YIPF2: variants seen among roughly 807,000 people sequenced by gnomAD.
YIPF2 encodes protein YIPF2.
A neutral mutation model predicts 38.8 loss-of-function variants in YIPF2; 30 were observed. The ratio of observed to expected loss-of-function variants is 0.77; its 90% CI spans 0.58 to 1.05. The LOEUF is 1.05. YIPF2 is among the 50% of genes least tolerant of loss of function. The probability of loss-of-function intolerance (pLI) is 0.00; values close to 1 mark genes in which losing one functional copy is unlikely to be tolerated. For missense variants in YIPF2, 401 were observed against 409.7 expected (o/e 0.98, Z 0.18); for synonymous variants, 194 against 183.8 (o/e 1.06, Z -0.45).
chr19:10,924,210 A>G lies in YIPF2; in HGVS notation c.368-18T>C, dbSNP rs1375325153. 4 of 1,603,572 alleles carry G rather than the reference A, an allele frequency of 2.5e-6. No homozygotes were observed. Among genetic ancestry groups the G allele is most frequent in the East Asian group, 4.5e-5 (2 of 44,866 alleles). On this transcript the variant is annotated intron_variant, in intron 5 of 9. Transcript: ENST00000586748. ...GAAGGGGCCTGGGGGTAGGGGGCACAGTCAGGGTCCCGGGCCCTGCACTCC... is the reference window on the plus strand; with the variant it reads ...GAAGGGGCCTGGGGGTAGGGGGCACGGTCAGGGTCCCGGGCCCTGCACTCC...
At chr19:10,925,653 C>A in intron 5 of YIPF2, 33 bp downstream of exon 5, 1 of 1,612,478 alleles carries the variant, frequency 6.2e-7, no homozygotes, top group Admixed American at 1.7e-5. Context: ...GTTGAGTGAT[C>A]CATCAAGGAA....
chr19:10,925,900 C>CCA, intron 4 of YIPF2, 127 bp from the exon 5 acceptor site: 2 of 797,614 alleles, frequency 2.5e-6, no homozygotes, highest in East Asian at 2.8e-5. Context: ...TCAGCCTTTC[C>CCA]CTCTCTTTTT....
rs780658086 is a variant in YIPF2, at chr19:10,924,131, C to T, written c.429G>A (p.Leu143=). 1 of 1,613,764 alleles carries T rather than the reference C, an allele frequency of 6.2e-7. No individual in the cohort carries two copies. The highest frequency in any genetic ancestry group is 1.1e-5 in the South Asian group (1 of 91,086). The change falls in exon 6 of 10, where the codon CTG becomes CTA. Residue 143 remains leucine, a synonymous_variant. Coordinates refer to ENST00000586748, the MANE Select transcript of YIPF2 (RefSeq NM_001321439.2). ...AGGGGTCCCTCCTCTGGGCCAGCACCAGCGTCAGGTTGCCAGTGACGGCCA... is the reference window on the plus strand; with the variant it reads ...AGGGGTCCCTCCTCTGGGCCAGCACTAGCGTCAGGTTGCCAGTGACGGCCA... The part of the protein sequence containing the change: ...FVLAVTGNLT[L]VLAQRRDPSI...
chr19:10,925,393 C>G (rs899116728), intron 5 of YIPF2, among the ~76,000 whole-genome samples: 2 of 152,254 alleles, frequency 1.3e-5, no homozygotes, highest in South Asian at 2.1e-4. Flanking sequence ...CTGGAAGCCT[C>G]TTTTCCTAGG....
chr19:10,923,753 C>T, intron 7 of YIPF2, 76 bp from the exon 8 acceptor site: 1 of 1,581,052 alleles, frequency 6.3e-7, no homozygotes, highest in South Asian at 1.2e-5. Flanking sequence ...CCACCCTCAC[C>T]ACCATGGGAA....
chr19:10,928,053 G>A, intron 2 of YIPF2, 94 bp from the exon 3 acceptor site: 4 of 1,499,854 alleles, frequency 2.7e-6, no homozygotes, highest in Non-Finnish European at 2.7e-6. Flanking sequence ...GGGGGCGGAG[G>A]CTCTGCTGAG....
rs760629274 is a variant in YIPF2 at position 10,927,928 on chromosome 19, G to A, written c.63C>T (p.Asp21=). The change falls in exon 3 of 10, where the codon GAC becomes GAT. Residue 21 remains aspartate, a synonymous_variant. Transcript: ENST00000586748. ...TGCTGGTGGTGGCTGCATCTGGGGT[G>A]TCAGCCAGAAGATTAGTGGCCTCCT... ...EFEEATNLLA[D]TPDAATTSRS... 9 of 1,609,934 alleles carry A rather than the reference G, an allele frequency of 5.6e-6. No homozygotes were observed. The highest frequency in any genetic ancestry group is 1.7e-5 in the Admixed American group (1 of 59,934).
chr19:10,927,028 C>T (rs942839733), intron 4 of YIPF2, among the ~76,000 whole-genome samples: 2 of 151,916 alleles, frequency 1.3e-5, no homozygotes, highest in Non-Finnish European at 2.9e-5. Context: ...CACCACAAAG[C>T]CCGGCTAATT....
intron 5 of YIPF2, 98 bp downstream of exon 5, chr19:10,925,588 G>T: frequency 7.1e-7 from 1 of 1,406,714 alleles, no homozygotes; most frequent in Non-Finnish European, 9.8e-7. Flanking sequence ...CACACTGTCT[G>T]AGTGACTGAT....
At chr19:10,924,771 C>A (rs2083395428) in intron 5 of YIPF2, among the ~76,000 whole-genome samples, 1 of 150,542 alleles carries the variant, frequency 6.6e-6, no homozygotes, top group African/African-American at 2.4e-5. Flanking sequence ...CCCCCCACCC[C>A]CACCTATCTA....
intron 5 of YIPF2, among the ~76,000 whole-genome samples, chr19:10,925,366 T>C (rs943247999): frequency 2.0e-5 from 3 of 152,104 alleles, no homozygotes; most frequent in Admixed American, 1.3e-4. Flanking sequence ...GTTCCTGCCA[T>C]GAAGCTTACG....
chr19:10,923,447 T>C, intron 8 of YIPF2, 40 bp from the exon 9 acceptor site: 1 of 1,613,068 alleles, frequency 6.2e-7, no homozygotes, highest in African/African-American at 1.3e-5. Flanking sequence ...GGCCAGCCCA[T>C]GCCCCCCTAG....
At chr19:10,923,247 T>TA (rs1731077393) in intron 9 of YIPF2, 25 bp downstream of exon 9, 2 of 1,552,204 alleles carry the variant, frequency 1.3e-6, no homozygotes, top group Admixed American at 4.2e-5. Context: ...GCAGCCCCCT[T>TA]AGCCCAGCTG....
rs776036066 is a variant in YIPF2, at chr19:10,925,791, G to A, written c.280-18C>T. 6.2e-7 allele frequency: 1 copy of A among 1,612,230 alleles called. No homozygotes were observed. The highest frequency in any genetic ancestry group is 1.3e-5 in the African/African-American group (1 of 74,908). On this transcript the variant is annotated intron_variant, in intron 4 of 9. Coordinates refer to ENST00000586748, the MANE Select transcript of YIPF2 (RefSeq NM_001321439.2). Reference sequence around the variant, plus strand: ...TCCAGGACCTGGGGGCAAGGCCAAGGTCAAGGATGGAAGTCTGCCAGGAGC... The same window carrying A: ...TCCAGGACCTGGGGGCAAGGCCAAGATCAAGGATGGAAGTCTGCCAGGAGC...
rs762894389 is a variant in YIPF2 at position 10,924,002 on chromosome 19, G to A, written c.485-3C>T. On this transcript the variant is annotated splice_polypyrimidine_tract_variant and splice_region_variant and intron_variant, in intron 6 of 9. Transcript: ENST00000586748. ...GATGCTGATGCCTGCCACGGTCACT[G>A]GGGGGGGCAAGGTGAGCAGTCACCC... 3.7e-6 allele frequency: 6 copies of A among 1,605,528 alleles called. No homozygotes were observed. The highest frequency in any genetic ancestry group is 1.3e-5 in the African/African-American group (1 of 74,706).
rs762894389 is a variant in YIPF2, at chr19:10,924,002, G to T, written c.485-3C>A. 1.2e-6 allele frequency: 2 copies of T among 1,605,642 alleles called. No individual in the cohort carries two copies. Among genetic ancestry groups the T allele is most frequent in the Non-Finnish European group, 8.5e-7 (1 of 1,175,794 alleles). ...GATGCTGATGCCTGCCACGGTCACT[G>T]GGGGGGGCAAGGTGAGCAGTCACCC... On this transcript the variant is annotated splice_polypyrimidine_tract_variant and splice_region_variant and intron_variant, in intron 6 of 9. Transcript: ENST00000586748.
chr19:10,923,306 G>T lies in YIPF2; in HGVS notation c.936C>A (p.Ser312=). ...NIALSPTLPQ[S]LAPS ...CCGGGCCTTCCTAGGAGGGGGCCAGGGACTGCGGCAAGGTAGGGGACAGCG... is the reference window on the plus strand; with the variant it reads ...CCGGGCCTTCCTAGGAGGGGGCCAGTGACTGCGGCAAGGTAGGGGACAGCG... Residue 312 remains serine, a synonymous_variant, in exon 9 of 10, where the codon TCC becomes TCA. Transcript: ENST00000586748. 6.2e-7 allele frequency: 1 copy of T among 1,611,548 alleles called. No homozygotes were observed. Among genetic ancestry groups the T allele is most frequent in the Non-Finnish European group, 8.5e-7 (1 of 1,178,984 alleles).
In YIPF2 at chr19:10,923,734, T is replaced by C. The variant is rs192197360; in HGVS notation, c.652-57A>G. On this transcript the variant is annotated intron_variant, in intron 7 of 9. Transcript: ENST00000586748. Reference sequence around the variant, plus strand: ...CAGTCCCCCCAGCCACCACCCACTCTGCACCAGGCCACCCTCACCACCATG... The same window carrying C: ...CAGTCCCCCCAGCCACCACCCACTCCGCACCAGGCCACCCTCACCACCATG... 5.6e-4 allele frequency: 889 copies of C among 1,577,862 alleles called. 8 individuals carry two copies. In the Middle Eastern group the frequency reaches 5.9e-3, roughly 10 times the overall value.
Position 10,923,737 on chromosome 19 carries a change from A to G in YIPF2, c.652-60T>C, listed in dbSNP as rs1337642903. The G allele has an allele frequency of 1.9e-6, 3 of 1,577,480 alleles. No individual in the cohort carries two copies. In the African/African-American group the frequency reaches 4.0e-5, roughly 21 times the overall value. ...TCCCCCCAGCCACCACCCACTCTGC[A>G]CCAGGCCACCCTCACCACCATGGGA... On this transcript the variant is annotated intron_variant, in intron 7 of 9. Coordinates refer to ENST00000586748, the MANE Select transcript of YIPF2 (RefSeq NM_001321439.2).
Sources: gnomAD v4.1 joint callset for allele counts (sites outside exome capture counted in the v4.1 genomes callset) on GRCh38, gnomAD v4.1.1 for gene constraint, MANE v1.5 for transcripts, NCBI Gene and HGNC (gene_info 2026-07-23, HGNC 2026-07-21) for gene names.